SYDE1: variants seen among roughly 807,000 people sequenced by gnomAD.
SYDE1 encodes the protein rho GTPase-activating protein SYDE1.
Under a neutral mutation model 63.3 loss-of-function variants are expected in SYDE1, and 34 were observed. That is an observed-to-expected ratio of 0.54 (90% CI 0.41 to 0.71). The LOEUF (loss-of-function observed/expected upper bound fraction) is 0.71, where lower values mean the gene tolerates loss of function less well. SYDE1 is among the 30% of genes least tolerant of loss of function. SYDE1 has a pLI of 0.00. For synonymous variants in SYDE1, 467 were observed against 473.4 expected, an observed-to-expected ratio of 0.99 and a Z score of 0.18; for missense variants, 925 against 1,042.5, an observed-to-expected ratio of 0.89 and a Z score of 1.55.
At position 15,107,427 on chromosome 19, in the gene SYDE1, C is replaced by T; in HGVS notation, c.-7C>T. 9 of 1,377,168 alleles carry T rather than the reference C, an allele frequency of 6.5e-6. No individual in the cohort carries two copies. Among genetic ancestry groups the T allele is most frequent in the Non-Finnish European group, 8.6e-6 (9 of 1,041,030 alleles). The allele number at this position is 1,377,168 out of a possible 1,614,324, so 85.3% of individuals were successfully genotyped here. ...CGCACTCGGCTCGGCCCGGCCCGGG[C>T]CGCAGCATGGCCGAGCCGCTACTCA... On this transcript the variant is annotated 5_prime_UTR_variant, in exon 1 of 8. Coordinates refer to ENST00000342784, the MANE Select transcript of SYDE1 (RefSeq NM_033025.6).
intron 1 of SYDE1, 67 bp downstream of exon 1, chr19:15,107,588 G>T: frequency 1.7e-6 from 2 of 1,158,966 alleles, no homozygotes; most frequent in Non-Finnish European, 1.2e-6. Context: ...GGGTCCCAGG[G>T]CCCCGAGGAC....
rs1231650344 is a variant in SYDE1 at position 15,107,605 on chromosome 19, TG to T, written c.88+91del. 73 of 808,772 alleles carry T rather than the reference TG, an allele frequency of 9.0e-5. 1 individual carries two copies. Among genetic ancestry groups the T allele is most frequent in the Middle Eastern group, 3.1e-4 (1 of 3,260 alleles). 50.1% of individuals were successfully genotyped at this position (808,772 alleles called of 1,614,324 possible). On this transcript the variant is annotated intron_variant, in intron 1 of 7. Coordinates refer to ENST00000342784, the MANE Select transcript of SYDE1 (RefSeq NM_033025.6). ...GTCCCAGGGCCCCGAGGACAGACGGTGGGGGGGATCAGGGGGAGCCCCCCGC... is the reference window on the plus strand; with the variant it reads ...GTCCCAGGGCCCCGAGGACAGACGGTGGGGGGATCAGGGGGAGCCCCCCGC...
chr19:15,109,434 G>T lies in SYDE1; in HGVS notation c.430+37G>T. ...CTTCCCATCCCCTTCCCCAAGGTGA[G>T]CACCAGCTCCACATCCCTTCCCTTC... On this transcript the variant is annotated intron_variant, in intron 2 of 7. Coordinates refer to ENST00000342784, the MANE Select transcript of SYDE1 (RefSeq NM_033025.6). The surrounding 1 kb of genome is among the most constrained non-coding windows in gnomAD (Gnocchi z 5.0). 1 of 1,501,568 alleles carries T rather than the reference G, an allele frequency of 6.7e-7. No individual in the cohort carries two copies. The highest frequency in any genetic ancestry group is 2.3e-5 in the East Asian group (1 of 43,016). The allele number at this position is 1,501,568 out of a possible 1,614,324, so 93.0% of individuals were successfully genotyped here. A position where few individuals can be genotyped will look rare whatever the true frequency, so the allele number is the denominator to read the frequency against.
chr19:15,109,557 A>T lies in SYDE1; in HGVS notation c.431-147A>T. The T allele has an allele frequency of 1.0e-6, 1 of 958,164 alleles. No homozygotes were observed. Among genetic ancestry groups the T allele is most frequent in the Non-Finnish European group, 1.5e-6 (1 of 663,814 alleles). The allele number at this position is 958,164 out of a possible 1,614,324, so 59.4% of individuals were successfully genotyped here. On this transcript the variant is annotated intron_variant, in intron 2 of 7. Transcript: ENST00000342784. This position sits in a 1 kb window ranked among gnomAD's most constrained non-coding sequence, Gnocchi z 5.0. Reference sequence around the variant, plus strand: ...ACCAGCCTCACATCCCCACCCCGTCAGATGCTCCCAGAGGAGCATCAGCCT... The same window carrying T: ...ACCAGCCTCACATCCCCACCCCGTCTGATGCTCCCAGAGGAGCATCAGCCT...
At position 15,108,991 on chromosome 19, in the gene SYDE1, T is replaced by C; in HGVS notation, c.89-65T>C. 3 of 1,432,288 alleles carry C rather than the reference T, an allele frequency of 2.1e-6. No homozygotes were observed. The allele number at this position is 1,432,288 out of a possible 1,614,324, so 88.7% of individuals were successfully genotyped here. ...CACAGCATCCCACCCACTGATCAAT[T>C]GCACAGGGCTGCTCTGCAGGCAGTG... On this transcript the variant is annotated intron_variant, in intron 1 of 7. Transcript: ENST00000342784. This position sits in a 1 kb window ranked among gnomAD's most constrained non-coding sequence, Gnocchi z 4.3.
rs761725341 is a variant in SYDE1, at chr19:15,110,534, A to T, written c.1089A>T (p.Gln363His). ...LPTVFRGCQA[Q>H]QLAVRLEPQG... ...TTGTGTCCTCAGGGTGCCAGGCCCA[A>T]CAGCTGGCCGTGCGCCTGGAGCCTC... The change falls in exon 4 of 8, where the codon CAA (glutamine) becomes CAT (histidine). Residue 363 changes from glutamine (Q) to histidine (H), a missense_variant. Physicochemically the swap from Gln to His is conservative, Grantham distance 24. Coordinates refer to ENST00000342784, the MANE Select transcript of SYDE1 (RefSeq NM_033025.6). The surrounding 1 kb of genome is among the most constrained non-coding windows in gnomAD (Gnocchi z 6.9). 2.1e-5 allele frequency: 33 copies of T among 1,586,420 alleles called. No homozygotes were observed. The highest frequency in any genetic ancestry group is 4.0e-5 in the African/African-American group (3 of 74,440).
In SYDE1 at chr19:15,108,931, G is replaced by A; in HGVS notation, c.89-125G>A. The A allele has an allele frequency of 1.4e-6, 2 of 1,385,866 alleles. No homozygotes were observed. The highest frequency in any genetic ancestry group is 1.9e-6 in the Non-Finnish European group (2 of 1,066,672). 85.8% of individuals were successfully genotyped at this position (1,385,866 alleles called of 1,614,324 possible). ...TCCAAACAAAACAGCAGGATCCAAGGAACCATGACTTATCAGGGGCCGGCC... is the reference window on the plus strand; with the variant it reads ...TCCAAACAAAACAGCAGGATCCAAGAAACCATGACTTATCAGGGGCCGGCC... On this transcript the variant is annotated intron_variant, in intron 1 of 7. Coordinates refer to ENST00000342784, the MANE Select transcript of SYDE1 (RefSeq NM_033025.6). This position sits in a 1 kb window ranked among gnomAD's most constrained non-coding sequence, Gnocchi z 4.3.
chr19:15,107,616 AG>A, intron 1 of SYDE1, 95 bp downstream of exon 1: 8 of 702,860 alleles, frequency 1.1e-5, no homozygotes, highest in Non-Finnish European at 1.5e-5. Context: ...GGGGGGGATC[AG>A]GGGGAGCCCC....
In SYDE1 at chr19:15,109,672, T is replaced by G; in HGVS notation, c.431-32T>G. The G allele has an allele frequency of 7.1e-7, 1 of 1,409,572 alleles. No homozygotes were observed. The highest frequency in any genetic ancestry group is 9.4e-7 in the Non-Finnish European group (1 of 1,065,826). The allele number at this position is 1,409,572 out of a possible 1,614,324, so 87.3% of individuals were successfully genotyped here. A position where few individuals can be genotyped will look rare whatever the true frequency, so the allele number is the denominator to read the frequency against. On this transcript the variant is annotated intron_variant, in intron 2 of 7. Coordinates refer to ENST00000342784, the MANE Select transcript of SYDE1 (RefSeq NM_033025.6). This position sits in a 1 kb window ranked among gnomAD's most constrained non-coding sequence, Gnocchi z 5.0. ...CTCACCCCCCTCCCCTAAGCCCAGG[T>G]TCCTGGACCCTGAAGTCTGCTCTCC... is the stretch of plus-strand genomic sequence containing the variant.
chr19:15,110,794 C>G lies in SYDE1; in HGVS notation c.1290+59C>G. The G allele has an allele frequency of 7.1e-7, 1 of 1,400,574 alleles. No individual in the cohort carries two copies. The highest frequency in any genetic ancestry group is 1.4e-5 in the South Asian group (1 of 73,344). 86.8% of individuals were successfully genotyped at this position (1,400,574 alleles called of 1,614,324 possible). ...CCAGACCTCAGACCACTCTTCAGGA[C>G]ACCCTATGTACAGATGCCAGACCCC... is the stretch of plus-strand genomic sequence containing the variant. On this transcript the variant is annotated intron_variant, in intron 4 of 7. Coordinates refer to ENST00000342784, the MANE Select transcript of SYDE1 (RefSeq NM_033025.6). The surrounding 1 kb of genome is among the most constrained non-coding windows in gnomAD (Gnocchi z 6.9).
chr19:15,111,345 G>T lies in SYDE1; in HGVS notation c.1323G>T (p.Ala441=). Residue 441 remains alanine, a synonymous_variant, in exon 5 of 8, where the codon GCG becomes GCT. Coordinates refer to ENST00000342784, the MANE Select transcript of SYDE1 (RefSeq NM_033025.6). The surrounding 1 kb of genome is among the most constrained non-coding windows in gnomAD (Gnocchi z 5.5). ...GACTGTACCGTCTTTGTGGCTCAGC[G>T]GCAGTGAAGAAAGAGCTTCGGGATG... ...VVGLYRLCGS[A]AVKKELRDAF... is the part of the protein sequence containing the mutation. 1 of 1,614,058 alleles carries T rather than the reference G, an allele frequency of 6.2e-7. No individual in the cohort carries two copies. The highest frequency in any genetic ancestry group is 1.1e-5 in the South Asian group (1 of 91,078).
intron 1 of SYDE1, 36 bp downstream of exon 1, chr19:15,107,557 G>T: frequency 1.3e-6 from 2 of 1,486,900 alleles, no homozygotes; most frequent in Non-Finnish European, 1.8e-6. Flanking sequence ...GGGGCGCCGA[G>T]CCCCACCCGG....
rs1210458645 is a variant in SYDE1 at position 15,109,589 on chromosome 19, C to T, written c.431-115C>T. 2 of 916,482 alleles carry T rather than the reference C, an allele frequency of 2.2e-6. No individual in the cohort carries two copies. Among genetic ancestry groups the T allele is most frequent in the African/African-American group, 1.7e-5 (1 of 59,310 alleles). 56.8% of individuals were successfully genotyped at this position (916,482 alleles called of 1,614,324 possible). On this transcript the variant is annotated intron_variant, in intron 2 of 7. Transcript: ENST00000342784. This position sits in a 1 kb window ranked among gnomAD's most constrained non-coding sequence, Gnocchi z 5.0. ...CCCAGAGGAGCATCAGCCTCACACC[C>T]TCCTCCCCGCCAGGGGAACACCAGC...
Position 15,108,434 on chromosome 19 carries a change from G to T in SYDE1, c.89-622G>T, listed in dbSNP as rs1172791059. ...GGGGAAGTCCCAAAGCATTGAGCGT[G>T]GGGGGTCTGGCCTGGGCTGAGGGAC... is the stretch of plus-strand genomic sequence containing the variant. On this transcript the variant is annotated intron_variant, in intron 1 of 7. Transcript: ENST00000342784. This position sits in a 1 kb window ranked among gnomAD's most constrained non-coding sequence, Gnocchi z 4.3. 6.6e-6 allele frequency among the ~76,000 whole-genome samples: 1 copy of T among 152,252 alleles called. No homozygotes were observed. Among genetic ancestry groups the T allele is most frequent in the African/African-American group, 2.4e-5 (1 of 41,554 alleles).
rs980225384 is a variant in SYDE1, at chr19:15,110,476, T to C, written c.1076-45T>C. 3.1e-5 allele frequency: 47 copies of C among 1,526,484 alleles called. No homozygotes were observed. In the African/African-American group the frequency reaches 4.4e-4, roughly 14 times the overall value. 94.6% of individuals were successfully genotyped at this position (1,526,484 alleles called of 1,614,324 possible). ...CCTGGAGCAGCGAGGCCAGGGTACA[T>C]GAAGCTTCAGAGCACACCCGGCTCA... On this transcript the variant is annotated intron_variant, in intron 3 of 7. Transcript: ENST00000342784. This position sits in a 1 kb window ranked among gnomAD's most constrained non-coding sequence, Gnocchi z 6.9.
At chr19:15,113,507 C>T in intron 7 of SYDE1, 53 bp from the exon 8 acceptor site, 4 of 1,501,036 alleles carry the variant, frequency 2.7e-6, no homozygotes, top group South Asian at 1.3e-5. Context: ...CCTAAGCAGC[C>T]AATCAGAGGT....
Position 15,107,437 on chromosome 19 carries a change from G to A in SYDE1, c.4G>A (p.Ala2Thr). M[A>T]EPLLRKTFSR... ...TCGGCCCGGCCCGGGCCGCAGCATG[G>A]CCGAGCCGCTACTCAGGAAAACCTT... The change falls in exon 1 of 8, where the codon GCC becomes ACC. Residue 2 changes from alanine to threonine, a missense_variant. Physicochemically the swap from Ala to Thr is moderately conservative, Grantham distance 58. This residue lies in a region of SYDE1 where 599 missense variants were observed against 653.7 expected (regional missense o/e 0.92). Transcript: ENST00000342784. 1 of 1,450,240 alleles carries A rather than the reference G, an allele frequency of 6.9e-7. No individual in the cohort carries two copies. Among genetic ancestry groups the A allele is most frequent in the South Asian group, 1.2e-5 (1 of 82,244 alleles). The allele number at this position is 1,450,240 out of a possible 1,614,324, so 89.8% of individuals were successfully genotyped here.
intron 7 of SYDE1, 134 bp downstream of exon 7, chr19:15,112,705 A>AG: frequency 2.9e-6 from 2 of 689,360 alleles, no homozygotes; most frequent in Non-Finnish European, 4.8e-6. Flanking sequence ...TGGTTGCCTC[A>AG]GCAACCAGTT....
chr19:15,110,007 C>T lies in SYDE1; in HGVS notation c.734C>T (p.Pro245Leu). ...SPERPAGPPS[P>L]TSFRPYEVGP... Reference sequence around the variant, plus strand: ...GAGCGCCCAGCTGGGCCCCCATCACCCACCTCCTTCCGGCCCTACGAGGTG... The same window carrying T: ...GAGCGCCCAGCTGGGCCCCCATCACTCACCTCCTTCCGGCCCTACGAGGTG... The change falls in exon 3 of 8, where the codon CCC becomes CTC. Residue 245 changes from proline to leucine, a missense_variant. Pro to Leu is a moderately conservative substitution (Grantham distance 98, BLOSUM62 -3). Around this residue, in one of 3 missense-constraint regions of SYDE1, gnomAD observed 599 missense variants for 653.7 expected, o/e 0.92. Coordinates refer to ENST00000342784, the MANE Select transcript of SYDE1 (RefSeq NM_033025.6). This position sits in a 1 kb window ranked among gnomAD's most constrained non-coding sequence, Gnocchi z 6.9. 1 of 1,499,794 alleles carries T rather than the reference C, an allele frequency of 6.7e-7. No homozygotes were observed. Among genetic ancestry groups the T allele is most frequent in the Non-Finnish European group, 8.8e-7 (1 of 1,132,936 alleles). 92.9% of individuals were successfully genotyped at this position (1,499,794 alleles called of 1,614,324 possible).
Sources: allele counts gnomAD v4.1 joint callset (sites outside exome capture counted in the v4.1 genomes callset), GRCh38; gene constraint gnomAD v4.1.1; regional missense constraint gnomAD v4.1.1; non-coding constraint Gnocchi (gnomAD v3.1); transcripts MANE v1.5; gene names NCBI Gene and HGNC (gene_info 2026-07-23, HGNC 2026-07-21).